The following COQ7 variants were observed in gnomAD, a reference collection of about 807,000 sequenced individuals.
The protein encoded by COQ7 is coenzyme Q7, hydroxylase.
COQ7 carries 21 observed loss-of-function variants against 25.0 expected under a neutral mutation model. That is an observed-to-expected ratio of 0.84 (90% CI 0.60 to 1.21). The LOEUF (loss-of-function observed/expected upper bound fraction) is 1.21, where lower values mean the gene tolerates loss of function less well. COQ7 is among the 50% of genes most tolerant of loss of function. The pLI is 0.00. For missense variants in COQ7, 311 were observed against 296.2 expected (o/e 1.05, Z -0.37); for synonymous variants, 125 against 112.4 (o/e 1.11, Z -0.71).
intron 4 of COQ7, 101 bp downstream of exon 4, chr16:19,075,961 G>C: frequency 1.3e-6 from 2 of 1,483,972 alleles, no homozygotes; most frequent in South Asian, 2.4e-5. Context: ...GGGATGATGG[G>C]GGTTTAGAGG....
chr16:19,071,986 C>A lies in COQ7; in HGVS notation c.132C>A (p.Ile44=). ...GTTCAGGAATGACTTTAGACAATATCAGTCGGGCAGCTGTGGATCGAATAA... is the reference window on the plus strand; with the variant it reads ...GTTCAGGAATGACTTTAGACAATATAAGTCGGGCAGCTGTGGATCGAATAA... ...FRSSGMTLDN[I]SRAAVDRIIR... Residue 44 remains isoleucine (I), a synonymous_variant, in exon 2 of 6, where the codon ATC becomes ATA. Transcript: ENST00000321998. 1.2e-6 allele frequency: 2 copies of A among 1,614,246 alleles called. No homozygotes were observed. Among genetic ancestry groups the A allele is most frequent in the Non-Finnish European group, 1.7e-6 (2 of 1,180,056 alleles).
rs8051232 is a variant in COQ7, at chr16:19,078,240, C to T, written c.*82C>T. ...TGCAGAGAAACAGGTGTACAGTTAT[C>T]GTTGTACTTTTGTACAATGTGAATT... On this transcript the variant is annotated 3_prime_UTR_variant, in exon 6 of 6. Coordinates refer to ENST00000321998, the MANE Select transcript of COQ7 (RefSeq NM_016138.5). The T allele has an allele frequency of 8.8e-6, 9 of 1,018,886 alleles. No homozygotes were observed. The highest frequency in any genetic ancestry group is 8.4e-5 in the African/African-American group (5 of 59,696). The allele number at this position is 1,018,886 out of a possible 1,614,324, so 63.1% of individuals were successfully genotyped here.
At chr16:19,081,044 T>C (rs886327403), downstream of COQ7, among the ~76,000 whole-genome samples, 3 of 152,120 alleles carry the variant, frequency 2.0e-5, no homozygotes, top group Admixed American at 2.0e-4. Flanking sequence ...CTGAATGGGC[T>C]GAACTAATAG....
intron 4 of COQ7, 113 bp downstream of exon 4, chr16:19,075,973 TC>T: frequency 7.3e-7 from 1 of 1,379,106 alleles, no homozygotes; most frequent in East Asian, 2.4e-5. Context: ...GTTTAGAGGC[TC>T]AGGTCAGTGC....
rs149655962 is a variant in COQ7 at position 19,073,303 on chromosome 16, C to T, written c.253-618C>T. On this transcript the variant is annotated intron_variant, in intron 2 of 5. Transcript: ENST00000321998. ...CAGCCTGGGCAACAGAGTGAGACTC[C>T]GTCTCAAAAAAACAAAAAAAACCGC... is the stretch of plus-strand genomic sequence containing the variant. Among the ~76,000 whole-genome samples the T allele has an allele frequency of 4.2e-4, 17 of 40,506 alleles. No homozygotes were observed. In the East Asian group the frequency reaches 6.9e-3, roughly 16 times the overall value. The allele number at this position is 40,506 out of a possible 152,430, so 26.6% of individuals were successfully genotyped here. A position where few individuals can be genotyped will look rare whatever the true frequency, so the allele number is the denominator to read the frequency against.
At position 19,078,433 on chromosome 16, in the gene COQ7, C is replaced by A; in HGVS notation, c.*275C>A. The A allele has an allele frequency of 4.6e-6, 1 of 218,612 alleles. No individual in the cohort carries two copies. The highest frequency in any genetic ancestry group is 8.9e-6 in the Non-Finnish European group (1 of 112,864). The allele number at this position is 218,612 out of a possible 1,614,324, so 13.5% of individuals were successfully genotyped here. On this transcript the variant is annotated 3_prime_UTR_variant, in exon 6 of 6. Coordinates refer to ENST00000321998, the MANE Select transcript of COQ7 (RefSeq NM_016138.5). ...CTCATACTTAATTTTCTTTTATATACATGTTTTTCTTTTACATGCATATAT... is the reference window on the plus strand; with the variant it reads ...CTCATACTTAATTTTCTTTTATATAAATGTTTTTCTTTTACATGCATATAT...
chr16:19,074,042 GTC>G lies in COQ7; in HGVS notation c.367+13_367+14del. ...GTGCTGGGGTTTGCACTGGGTACGT[GTC>G]TCTCTAGAAGAGCTTATGCAAGCTT... On this transcript the variant is annotated splice_region_variant and intron_variant, in intron 3 of 5. Transcript: ENST00000321998. The G allele has an allele frequency of 6.2e-7, 1 of 1,604,990 alleles. No individual in the cohort carries two copies. Among genetic ancestry groups the G allele is most frequent in the Non-Finnish European group, 8.5e-7 (1 of 1,173,010 alleles).
In COQ7 at chr16:19,074,032, C is replaced by A; in HGVS notation, c.364C>A (p.Leu122Met). ...CTTGTGGAACGTGCTGGGGTTTGCACTGGGTACGTGTCTCTCTAGAAGAGC... is the reference window on the plus strand; with the variant it reads ...CTTGTGGAACGTGCTGGGGTTTGCAATGGGTACGTGTCTCTCTAGAAGAGC... ...MPLWNVLGFA[L>M]GAGTALLGKE... Residue 122 changes from leucine (L) to methionine (M), a missense_variant, in exon 3 of 6, where the codon CTG becomes ATG. Transcript: ENST00000321998. 3 of 1,610,784 alleles carry A rather than the reference C, an allele frequency of 1.9e-6. No homozygotes were observed. Among genetic ancestry groups the A allele is most frequent in the Non-Finnish European group, 2.5e-6 (3 of 1,177,882 alleles).
At chr16:19,080,462 C>G (rs560160363), downstream of COQ7, among the ~76,000 whole-genome samples, 28 of 152,182 alleles carry the variant, frequency 1.8e-4, no homozygotes, top group Non-Finnish European at 3.5e-4. Context: ...ACCTGGAATT[C>G]TATTTTATAA....
intron 4 of COQ7, among the ~76,000 whole-genome samples, chr16:19,076,940 C>G (rs1045709102): frequency 6.6e-6 from 1 of 152,228 alleles, no homozygotes; most frequent in South Asian, 2.1e-4. Flanking sequence ...GAGCAGGAAC[C>G]CTTTAGATTG....
chr16:19,068,305 A>G (rs1962348180), intron 1 of COQ7: 1 of 990,786 alleles, frequency 1.0e-6, no homozygotes, highest in Non-Finnish European at 1.2e-6. Context: ...GTAGAGAGAC[A>G]TGGTTTTGGA....
At position 19,078,104 on chromosome 16, in the gene COQ7, G is replaced by GCATC; in HGVS notation, c.600_601insCATC (p.Ser201HisfsTer54). 1 of 1,611,218 alleles carries GCATC rather than the reference G, an allele frequency of 6.2e-7. No individual in the cohort carries two copies. The highest frequency in any genetic ancestry group is 2.2e-5 in the East Asian group (1 of 44,618). ...AGGCTCCAGCCTATGCCGTCCTGAA[G>GCATC]AGCATTATCCAGGCCGGATGCAGAG... is the stretch of plus-strand genomic sequence containing the variant. On this transcript the variant is annotated frameshift_variant, in exon 6 of 6. Coordinates refer to ENST00000321998, the MANE Select transcript of COQ7 (RefSeq NM_016138.5). LOFTEE classifies it high-confidence loss of function.
chr16:19,076,391 G>A (rs1251992553), intron 4 of COQ7, among the ~76,000 whole-genome samples: 1 of 150,832 alleles, frequency 6.6e-6, no homozygotes, highest in Non-Finnish European at 1.5e-5. Context: ...CACCACATCC[G>A]GCCAGAACCC....
At chr16:19,082,387 T>C (rs1051317199), downstream of COQ7, among the ~76,000 whole-genome samples, 4 of 152,104 alleles carry the variant, frequency 2.6e-5, no homozygotes, top group Non-Finnish European at 5.9e-5. Context: ...TCTCAGCACT[T>C]TGGGAGGCCA....
At chr16:19,080,455 T>C (rs373013401), downstream of COQ7, among the ~76,000 whole-genome samples, 3 of 152,224 alleles carry the variant, frequency 2.0e-5, no homozygotes, top group East Asian at 3.8e-4. Context: ...AATGATAACC[T>C]GGAATTCTAT....
At chr16:19,076,076 G>A (rs1041623216) in intron 4 of COQ7, among the ~76,000 whole-genome samples, 5 of 151,970 alleles carry the variant, frequency 3.3e-5, no homozygotes, top group African/African-American at 4.8e-5. Flanking sequence ...TAGAACCCTT[G>A]TCTCCTTTGT....
At position 19,077,590 on chromosome 16, in the gene COQ7, C is replaced by CTT. The variant is rs60523088; in HGVS notation, c.576+229_576+230dup. Among the ~76,000 whole-genome samples, 46 of 74,404 alleles carry CTT rather than the reference C, an allele frequency of 6.2e-4. 10 individuals are homozygous for CTT. The highest frequency in any genetic ancestry group is 2.8e-3 in the South Asian group (5 of 1,802). The allele number at this position is 74,404 out of a possible 152,430, so 48.8% of individuals were successfully genotyped here. The stretch of plus-strand genomic sequence containing the variant: ...TATGCCTTCTCCTTTTCCCCAGAAG[C>CTT]TTTTTTTTTTTTTTCCCAGACACAG... On this transcript the variant is annotated intron_variant, in intron 5 of 5. Transcript: ENST00000321998.
At chr16:19,070,167 C>T (rs1962482231) in intron 1 of COQ7, among the ~76,000 whole-genome samples, 1 of 152,142 alleles carries the variant, frequency 6.6e-6, no homozygotes, top group African/African-American at 2.4e-5. Flanking sequence ...CACTATGCTT[C>T]AGAACTTAGG....
In COQ7 at chr16:19,067,675, C is replaced by T. The variant is rs1442488753; in HGVS notation, c.11C>T (p.Ala4Val). The change falls in exon 1 of 6, where the codon GCC (alanine) becomes GTC (valine). Residue 4 changes from alanine to valine, a missense_variant. By Grantham distance (64) the Ala-to-Val change is moderately conservative. Transcript: ENST00000321998. ...TTTTTAGTTCCGGCAATGAGTTGCGCCGGGGCGGCGGCGGCTCCCCGCCTT... is the reference window on the plus strand; with the variant it reads ...TTTTTAGTTCCGGCAATGAGTTGCGTCGGGGCGGCGGCGGCTCCCCGCCTT... MSC[A>V]GAAAAPRLWR... The T allele has an allele frequency of 1.2e-6, 2 of 1,612,528 alleles. No individual in the cohort carries two copies. Among genetic ancestry groups the T allele is most frequent in the Non-Finnish European group, 1.7e-6 (2 of 1,179,386 alleles).
Sources: gnomAD v4.1 joint callset for allele counts (sites outside exome capture counted in the v4.1 genomes callset) on GRCh38, gnomAD v4.1.1 for gene constraint, MANE v1.5 for transcripts, NCBI Gene and HGNC (gene_info 2026-07-23, HGNC 2026-07-21) for gene names.